The following EXOSC9 variants were observed in gnomAD, a reference collection of about 807,000 sequenced individuals.
The protein encoded by EXOSC9 is exosome complex component RRP45.
EXOSC9 carries 38 observed loss-of-function variants against 56.5 expected under a neutral mutation model. That is an observed-to-expected ratio of 0.67 (90% confidence interval 0.52 to 0.88). EXOSC9 has a LOEUF of 0.88. Among genes scored for constraint, EXOSC9 ranks in the 40% least tolerant of loss-of-function variants. The probability of loss-of-function intolerance (pLI) is 0.00; values close to 1 mark genes in which losing one functional copy is unlikely to be tolerated. For synonymous variants in EXOSC9, 170 were observed against 170.8 expected (o/e 0.99, Z 0.04); for missense variants, 559 against 530.5 (o/e 1.05, Z -0.53).
rs1724523513 is a variant in EXOSC9, at chr4:121,816,597, A to G, written c.1235+150A>G. On this transcript the variant is annotated intron_variant, in intron 11 of 11. Transcript: ENST00000243498. The stretch of plus-strand genomic sequence containing the variant: ...GATCCATCTGTTCTGTGATTTTTTT[A>G]CCTTGTGATTTATAAAAATTAGGAC... The G allele has an allele frequency of 3.7e-6, 3 of 819,576 alleles. No individual in the cohort carries two copies. The African/African-American group carries it at 5.3e-5, about 15-fold the overall frequency. The allele number at this position is 819,576 out of a possible 1,614,324, so 50.8% of individuals were successfully genotyped here.
chr4:121,808,990 AT>A (rs940276011), intron 6 of EXOSC9, among the ~76,000 whole-genome samples: 4 of 144,026 alleles, frequency 2.8e-5, no homozygotes, highest in South Asian at 2.2e-4. Context: ...TACTTTTTAA[AT>A]TTTTTTTTTA....
intron 10 of EXOSC9, 136 bp from the exon 11 acceptor site, chr4:121,816,233 A>T (rs1170126034): frequency 3.1e-6 from 2 of 635,946 alleles, no homozygotes; most frequent in Non-Finnish European, 5.4e-6. Flanking sequence ...TGTGGGTATT[A>T]AAAGTGTGAG....
chr4:121,801,758 A>T, intron 1 of EXOSC9, 69 bp from the exon 2 acceptor site: 1 of 1,359,990 alleles, frequency 7.4e-7, no homozygotes, highest in South Asian at 1.2e-5. Flanking sequence ...GCCCAGGGCC[A>T]GACAAAAAGT....
Position 121,813,248 on chromosome 4 carries a change from A to G in EXOSC9, c.842A>G (p.Lys281Arg), listed in dbSNP as rs752875392. The G allele has an allele frequency of 1.9e-6, 3 of 1,608,622 alleles. No homozygotes were observed. The highest frequency in any genetic ancestry group is 2.5e-6 in the Non-Finnish European group (3 of 1,177,074). ...CCCACATACAGGAAAGAAGGTGGAA[A>G]GTTTGGTTTTGCAGAGTCTATAGCA... The part of the protein sequence containing the change: ...NDQKVRKEGG[K>R]FGFAESIANQ... The change falls in exon 9 of 12, where the codon AAG becomes AGG. Residue 281 changes from lysine to arginine, a missense_variant. Coordinates refer to ENST00000243498, the MANE Select transcript of EXOSC9 (RefSeq NM_005033.3).
intron 7 of EXOSC9, among the ~76,000 whole-genome samples, chr4:121,811,318 G>T (rs930206982): frequency 2.6e-4 from 39 of 152,222 alleles, no homozygotes; most frequent in African/African-American, 9.2e-4. Context: ...GCATCCTGGA[G>T]CATATATGTG....
chr4:121,805,006 T>A (rs1726978872), intron 5 of EXOSC9, among the ~76,000 whole-genome samples: 1 of 152,232 alleles, frequency 6.6e-6, no homozygotes, highest in Non-Finnish European at 1.5e-5. Context: ...ATTAGATGAC[T>A]ATTTTGGATT....
Position 121,816,394 on chromosome 4 carries a change from T to TGAA in EXOSC9, c.1192_1194dup (p.Glu398dup), listed in dbSNP as rs751857412. 3.2e-6 allele frequency: 5 copies of TGAA among 1,561,564 alleles called. No individual in the cohort carries two copies. In the South Asian group the frequency reaches 4.8e-5, roughly 15 times the overall value. ...ATGCTCCCATAATACTCTCAGATAG[T>TGAA]GAAGAAGAAGAAATGATCATTTTGG... On this transcript the variant is annotated inframe_insertion, in exon 11 of 12. Coordinates refer to ENST00000243498, the MANE Select transcript of EXOSC9 (RefSeq NM_005033.3).
At chr4:121,803,239 T>C (rs938337202) in intron 4 of EXOSC9, among the ~76,000 whole-genome samples, 7 of 151,992 alleles carry the variant, frequency 4.6e-5, no homozygotes, top group Non-Finnish European at 8.8e-5. Context: ...TTCTTAAAGG[T>C]TTCTAAAAGG....
chr4:121,803,375 G>A (rs1475743402), intron 4 of EXOSC9, among the ~76,000 whole-genome samples: 1 of 151,998 alleles, frequency 6.6e-6, no homozygotes, highest in East Asian at 1.9e-4. Flanking sequence ...ATAGAAGCAG[G>A]TAGTTTTCCT....
chr4:121,802,584 A>G, intron 2 of EXOSC9, 90 bp from the exon 3 acceptor site: 1 of 1,237,164 alleles, frequency 8.1e-7, no homozygotes, highest in Non-Finnish European at 1.2e-6. Context: ...GATATTACTC[A>G]CATTAAGATT....
intron 4 of EXOSC9, among the ~76,000 whole-genome samples, chr4:121,803,721 G>A (rs1054904327): frequency 6.6e-6 from 1 of 152,060 alleles, no homozygotes; most frequent in African/African-American, 2.4e-5. Context: ...TGTATTTTTA[G>A]TAGAGATGGG....
chr4:121,816,044 C>A, intron 10 of EXOSC9: 1 of 944,400 alleles, frequency 1.1e-6, no homozygotes, highest in Non-Finnish European at 1.4e-6. Context: ...GCAACCTCCA[C>A]CTCCATGGGT....
At chr4:121,801,725 T>A (rs1338973155) in intron 1 of EXOSC9, 102 bp from the exon 2 acceptor site, 1 of 1,027,980 alleles carries the variant, frequency 9.7e-7, no homozygotes, top group African/African-American at 1.6e-5. Context: ...CTGGTTAGGA[T>A]TCCACTTTCC....
intron 5 of EXOSC9, among the ~76,000 whole-genome samples, chr4:121,806,066 A>G (rs957418385): frequency 6.6e-6 from 1 of 151,994 alleles, no homozygotes; most frequent in Non-Finnish European, 1.5e-5. Context: ...TGGCCTCCCA[A>G]ACTGTTGGGA....
At chr4:121,809,846 G>T (rs772478863) in intron 6 of EXOSC9, 121 bp from the exon 7 acceptor site, 2 of 1,125,840 alleles carry the variant, frequency 1.8e-6, no homozygotes, top group Non-Finnish European at 2.6e-6. Flanking sequence ...ACCCAAATCC[G>T]TAGGCTCAGA....
intron 2 of EXOSC9, among the ~76,000 whole-genome samples, 183 bp from the exon 3 acceptor site, chr4:121,802,487 TTTAG>T (rs1210197313): frequency 6.6e-6 from 1 of 152,256 alleles, no homozygotes; most frequent in Non-Finnish European, 1.5e-5. Flanking sequence ...CTGTCGTGTT[TTTAG>T]TTGTACCAAT....
chr4:121,816,934 A>G lies in EXOSC9; in HGVS notation c.*78A>G. 1 of 1,297,802 alleles carries G rather than the reference A, an allele frequency of 7.7e-7. No individual in the cohort carries two copies. Among genetic ancestry groups the G allele is most frequent in the East Asian group, 2.7e-5 (1 of 36,840 alleles). The allele number at this position is 1,297,802 out of a possible 1,614,324, so 80.4% of individuals were successfully genotyped here. On this transcript the variant is annotated 3_prime_UTR_variant, in exon 12 of 12. Transcript: ENST00000243498. ...ATTCTGAGAACCCTGGGTATTTTTT[A>G]TTCACAAATCCATTATAAAATCTAG...
At chr4:121,801,571 G>GCCC (rs1358698503) in intron 1 of EXOSC9, 81 bp downstream of exon 1, 2 of 1,340,824 alleles carry the variant, frequency 1.5e-6, no homozygotes, top group African/African-American at 2.9e-5. Context: ...GCCCGCCTGG[G>GCCC]CCCGGGGAGC....
At chr4:121,801,748 G>C in intron 1 of EXOSC9, 79 bp from the exon 2 acceptor site, 1 of 1,261,592 alleles carries the variant, frequency 7.9e-7, no homozygotes, top group Admixed American at 1.7e-5. Flanking sequence ...CAAGTGCTTA[G>C]CCCAGGGCCA....
Sources: gnomAD v4.1 joint callset for allele counts (sites outside exome capture counted in the v4.1 genomes callset) on GRCh38, gnomAD v4.1.1 for gene constraint, MANE v1.5 for transcripts, NCBI Gene and HGNC (gene_info 2026-07-23, HGNC 2026-07-21) for gene names.